TRPM1: variants seen among roughly 807,000 people sequenced by gnomAD.
TRPM1 encodes the protein TRPM1-203 APA Isoform, Intron 10.
A neutral mutation model predicts 149.4 loss-of-function variants in TRPM1; 113 were observed. That is an observed-to-expected ratio of 0.76 (90% confidence interval 0.65 to 0.88). The LOEUF (loss-of-function observed/expected upper bound fraction) is 0.88. Ranked by LOEUF, TRPM1 falls within the 40% of genes least tolerant of loss-of-function variation. TRPM1 has a pLI of 0.00. For synonymous variants in TRPM1, 741 were observed against 759.5 expected (o/e 0.98, Z 0.40); for missense variants, 1,976 against 2,038.7 (o/e 0.97, Z 0.59).
chr15:31,052,703 A>G (rs1197545152), intron 11 of TRPM1, among the ~76,000 whole-genome samples: 1 of 152,198 alleles, frequency 6.6e-6, no homozygotes, highest in African/African-American at 2.4e-5. Context: ...TGAACCCAGG[A>G]GGAAGAGGTT....
chr15:31,039,686 T>A (rs2033548457), intron 18 of TRPM1, among the ~76,000 whole-genome samples: 1 of 152,196 alleles, frequency 6.6e-6, no homozygotes, highest in South Asian at 2.1e-4. Context: ...CATGAAAACA[T>A]CACTAGTTAA....
At chr15:31,087,892 G>A (rs1287127348) in intron 1 of TRPM1, among the ~76,000 whole-genome samples, 1 of 152,164 alleles carries the variant, frequency 6.6e-6, no homozygotes, top group African/African-American at 2.4e-5. Flanking sequence ...TTTCTAAGAT[G>A]AAAAGAGTTC....
chr15:31,088,550 G>C (rs1188991829), intron 1 of TRPM1, among the ~76,000 whole-genome samples: 6 of 152,196 alleles, frequency 3.9e-5, no homozygotes, highest in African/African-American at 1.2e-4. Flanking sequence ...AACACTTGCT[G>C]CAAAAGTCTG....
intron 27 of TRPM1, among the ~76,000 whole-genome samples, chr15:31,012,126 G>A (rs1200409217): frequency 6.6e-6 from 1 of 152,152 alleles, no homozygotes. Context: ...TGTAAATCAT[G>A]TAGAAAATAA....
intron 1 of TRPM1, among the ~76,000 whole-genome samples, chr15:31,083,672 G>A (rs1279344352): frequency 3.9e-5 from 6 of 152,060 alleles, no homozygotes; most frequent in Non-Finnish European, 8.8e-5. Context: ...CCACCCCCTC[G>A]CTCCACTGCC....
rs1249715978 is a variant in TRPM1, at chr15:31,040,419, C to T, written c.2088-73G>A. The T allele has an allele frequency of 9.1e-6, 12 of 1,312,718 alleles. No homozygotes were observed. The highest frequency in any genetic ancestry group is 1.1e-5 in the Non-Finnish European group (10 of 911,904). The allele number at this position is 1,312,718 out of a possible 1,614,324, so 81.3% of individuals were successfully genotyped here. A position where few individuals can be genotyped will look rare whatever the true frequency, so the allele number is the denominator to read the frequency against. On this transcript the variant is annotated intron_variant, in intron 17 of 27. Transcript: ENST00000256552. The surrounding 1 kb of genome is among the most constrained non-coding windows in gnomAD (Gnocchi z 4.2). Reference sequence around the variant, plus strand: ...CTGTTTCTTAGACAGGCATATCCACCAAGGACTTATGGAGCCACGGGACAC... The same window carrying T: ...CTGTTTCTTAGACAGGCATATCCACTAAGGACTTATGGAGCCACGGGACAC...
At position 31,128,209 on chromosome 15, in the gene TRPM1, G is replaced by C. The variant is rs541515241; in HGVS notation, c.54+32697C>G. Among the ~76,000 whole-genome samples the C allele has an allele frequency of 9.2e-5, 14 of 152,274 alleles. No homozygotes were observed. In the East Asian group the frequency reaches 1.2e-3, roughly 13 times the overall value. ...GGGCAACCAACCCACTGGCACCCAG[G>C]AGCAATATTTACAGTATTCAACAAT... On this transcript the variant is annotated intron_variant, in intron 1 of 26. Transcript: ENST00000542188.
intron 1 of TRPM1, among the ~76,000 whole-genome samples, chr15:31,113,556 T>A (rs2338858): frequency 6.6e-6 from 1 of 151,882 alleles, no homozygotes; most frequent in Non-Finnish European, 1.5e-5. Flanking sequence ...CTAAAATGTT[T>A]TTTTTTAACT....
intron 1 of TRPM1, among the ~76,000 whole-genome samples, chr15:31,118,085 AC>A (rs1201300343): frequency 2.6e-5 from 4 of 151,992 alleles, no homozygotes; most frequent in African/African-American, 9.7e-5. Context: ...ACGTGGTGAA[AC>A]CCCATCTCTA....
intron 1 of TRPM1, among the ~76,000 whole-genome samples, chr15:31,128,601 C>T (rs757803353): frequency 2.6e-5 from 4 of 152,144 alleles, no homozygotes; most frequent in Non-Finnish European, 4.4e-5. Flanking sequence ...TGGGGATGTG[C>T]CAGGGATTCT....
chr15:31,029,272 T>C, intron 24 of TRPM1, 99 bp downstream of exon 24: 1 of 1,263,770 alleles, frequency 7.9e-7, no homozygotes, highest in Non-Finnish European at 1.1e-6. Context: ...ACAAGAGAAG[T>C]ATTTGAAAAC....
intron 1 of TRPM1, among the ~76,000 whole-genome samples, chr15:31,083,957 C>T (rs369797017): frequency 2.6e-5 from 4 of 152,158 alleles, no homozygotes; most frequent in East Asian, 3.9e-4. Flanking sequence ...AACCTATTGT[C>T]CTCTGCTTCA....
At chr15:31,138,724 T>C (rs985551239) in intron 1 of TRPM1, among the ~76,000 whole-genome samples, 3 of 151,918 alleles carry the variant, frequency 2.0e-5, no homozygotes, top group Non-Finnish European at 4.4e-5. Flanking sequence ...TAAATGAAAA[T>C]TTAAAAAAGA....
intron 1 of TRPM1, among the ~76,000 whole-genome samples, chr15:31,160,283 T>C (rs1334848334): frequency 1.3e-5 from 2 of 152,116 alleles, no homozygotes; most frequent in Admixed American, 6.5e-5. Flanking sequence ...AAGATTCAAA[T>C]CAGCATGTGC....
At chr15:31,026,394 G>A (rs1310179520) in intron 26 of TRPM1, 123 bp from the exon 27 acceptor site, 3 of 1,175,256 alleles carry the variant, frequency 2.6e-6, no homozygotes, top group East Asian at 2.5e-5. Context: ...AAGGCAGTTC[G>A]CCACTACTCC....
intron 3 of TRPM1, among the ~76,000 whole-genome samples, chr15:31,074,139 A>C (rs1414247396): frequency 1.3e-5 from 2 of 152,060 alleles, no homozygotes; most frequent in Non-Finnish European, 2.9e-5. Flanking sequence ...TGTTCATAAT[A>C]GATATTGATC....
At chr15:31,004,249 C>G (rs1043505285) in intron 27 of TRPM1, among the ~76,000 whole-genome samples, 1 of 152,024 alleles carries the variant, frequency 6.6e-6, no homozygotes, top group African/African-American at 2.4e-5. Flanking sequence ...TATACATGTC[C>G]TCACTCGTAC....
intron 1 of TRPM1, among the ~76,000 whole-genome samples, chr15:31,135,737 G>A (rs2036079530): frequency 6.6e-6 from 1 of 152,078 alleles, no homozygotes; most frequent in African/African-American, 2.4e-5. Flanking sequence ...AGCGTATTGT[G>A]AAGAAGAGCC....
chr15:31,050,081 G>A (rs952268312), intron 12 of TRPM1, among the ~76,000 whole-genome samples: 4 of 152,208 alleles, frequency 2.6e-5, no homozygotes, highest in Non-Finnish European at 5.9e-5. Context: ...TTTATTTGGT[G>A]ACAACTGATT....
Sources: gnomAD v4.1 joint callset for allele counts (sites outside exome capture counted in the v4.1 genomes callset) on GRCh38, gnomAD v4.1.1 for gene constraint, Gnocchi (gnomAD v3.1) non-coding constraint, MANE v1.5 for transcripts, NCBI Gene and HGNC (gene_info 2026-07-23, HGNC 2026-07-21) for gene names.